The following PCDHGB1 variants were observed in gnomAD, a reference collection of about 807,000 sequenced individuals.
PCDHGB1 encodes protocadherin gamma subfamily B, 1.
In PCDHGB1, 34 loss-of-function variants were observed where a neutral mutation model predicts 56.6. That is an observed-to-expected ratio of 0.60 (90% CI 0.46 to 0.80). The LOEUF (loss-of-function observed/expected upper bound fraction) is 0.80, where lower values mean the gene tolerates loss of function less well. Among genes scored for constraint, PCDHGB1 ranks in the 30% least tolerant of loss-of-function variants. The pLI is 0.00. For synonymous variants in PCDHGB1, 561 were observed against 505.9 expected (o/e 1.11, Z -1.46); for missense variants, 1,278 against 1,204.6 (o/e 1.06, Z -0.90).
intron 1 of PCDHGB1, chr5:141,428,129 C>T (rs1449809875): frequency 1.2e-6 from 2 of 1,603,336 alleles, no homozygotes; most frequent in Non-Finnish European, 1.7e-6. Context: ...CCGGGCTTTT[C>T]AGCCTGGGGC....
At chr5:141,353,069 G>C (rs575305873) in intron 1 of PCDHGB1, among the ~76,000 whole-genome samples, 1 of 152,196 alleles carries the variant, frequency 6.6e-6, no homozygotes, top group East Asian at 1.9e-4. Flanking sequence ...CATTGTTCTA[G>C]TGATGGTATC....
At chr5:141,413,697 T>G in intron 1 of PCDHGB1, 4 of 1,613,632 alleles carry the variant, frequency 2.5e-6, no homozygotes, top group Non-Finnish European at 3.4e-6. Flanking sequence ...TGCAGAGCTA[T>G]CAGCTCAGCC....
At chr5:141,365,873 T>C in intron 1 of PCDHGB1, 2 of 1,614,096 alleles carry the variant, frequency 1.2e-6, no homozygotes, top group Non-Finnish European at 1.7e-6. Flanking sequence ...CGGTGTCCTG[T>C]ATGCTCTGAG....
At chr5:141,383,542 T>G (rs1779235852) in intron 1 of PCDHGB1, 1 of 1,612,562 alleles carries the variant, frequency 6.2e-7, no homozygotes, top group Non-Finnish European at 8.5e-7. Flanking sequence ...CCTCACAGCC[T>G]CTGATGGCGG....
rs2099606506 is a variant in PCDHGB1 at position 141,485,072 on chromosome 5, G to A, written c.2410-9735G>A. ...CCGGCCGAACCGCGCCAGAGCTGGC[G>A]CGGGGAAAGGGAGATAGGTGTCTCC... On this transcript the variant is annotated intron_variant, in intron 1 of 3. Transcript: ENST00000523390. This position sits in a 1 kb window ranked among gnomAD's most constrained non-coding sequence, Gnocchi z 5.7. 2 of 916,892 alleles carry A rather than the reference G, an allele frequency of 2.2e-6. No homozygotes were observed. The highest frequency in any genetic ancestry group is 3.4e-6 in the Non-Finnish European group (2 of 587,886). The allele number at this position is 916,892 out of a possible 1,614,324, so 56.8% of individuals were successfully genotyped here.
intron 1 of PCDHGB1, chr5:141,430,941 A>G: frequency 6.2e-7 from 1 of 1,608,258 alleles, no homozygotes; most frequent in Non-Finnish European, 8.5e-7. Context: ...GAGCTCGCGG[A>G]GCGCGGAGTC....
chr5:141,506,266 T>A (rs1397052417), intron 3 of PCDHGB1, among the ~76,000 whole-genome samples: 1 of 151,862 alleles, frequency 6.6e-6, no homozygotes, highest in Non-Finnish European at 1.5e-5. Context: ...CTGGCCAACA[T>A]AGTGAAACCC....
intron 1 of PCDHGB1, chr5:141,384,825 CG>C (rs1780562640): frequency 1.2e-6 from 2 of 1,613,472 alleles, no homozygotes; most frequent in Non-Finnish European, 1.7e-6. Context: ...AGCAGAGCCT[CG>C]TGGTGGCCGT....
In PCDHGB1 at chr5:141,511,618, T is replaced by C. The variant is rs1227028784; in HGVS notation, c.*445T>C. 4.3e-6 allele frequency: 1 copy of C among 232,232 alleles called. No homozygotes were observed. Among genetic ancestry groups the C allele is most frequent in the East Asian group, 9.9e-5 (1 of 10,122 alleles). 14.4% of individuals were successfully genotyped at this position (232,232 alleles called of 1,614,324 possible). A position where few individuals can be genotyped will look rare whatever the true frequency, so the allele number is the denominator to read the frequency against. ...AAGTAACCTACAAGCCTCCTAGTTCTGAAAAGTTGGAAGGGCATCATGACC... is the reference window on the plus strand; with the variant it reads ...AAGTAACCTACAAGCCTCCTAGTTCCGAAAAGTTGGAAGGGCATCATGACC... On this transcript the variant is annotated 3_prime_UTR_variant, in exon 4 of 4. Transcript: ENST00000523390.
intron 1 of PCDHGB1, chr5:141,430,634 C>G: frequency 1.1e-6 from 1 of 882,730 alleles, no homozygotes; most frequent in Non-Finnish European, 1.7e-6. Flanking sequence ...TGAACCATCC[C>G]TGGGAGTATG....
At chr5:141,371,656 C>G (rs772257649) in intron 1 of PCDHGB1, 2 of 1,614,004 alleles carry the variant, frequency 1.2e-6, no homozygotes, top group Non-Finnish European at 1.7e-6. Flanking sequence ...TACAATGTGA[C>G]GATCACAGCT....
intron 1 of PCDHGB1, chr5:141,399,663 G>C: frequency 6.2e-7 from 1 of 1,613,624 alleles, no homozygotes; most frequent in Non-Finnish European, 8.5e-7. Context: ...TGGTGTTCGC[G>C]CAGCGCGCCT....
intron 1 of PCDHGB1, chr5:141,374,993 T>C: frequency 6.2e-7 from 1 of 1,614,056 alleles, no homozygotes; most frequent in Non-Finnish European, 8.5e-7. Flanking sequence ...AATTTCAACT[T>C]CTGCAAATCT....
At chr5:141,442,472 C>A (rs1032989256) in intron 1 of PCDHGB1, 4 of 152,204 alleles carry the variant, frequency 2.6e-5, no homozygotes, top group African/African-American at 9.7e-5. Flanking sequence ...GCAGAAAGCC[C>A]CTTGGGGAAG....
chr5:141,392,946 G>A, intron 1 of PCDHGB1: 2 of 1,613,940 alleles, frequency 1.2e-6, no homozygotes, highest in Non-Finnish European at 1.7e-6. Context: ...AGGCTCCTTC[G>A]TGGGTAATAT....
At chr5:141,501,926 C>T (rs1388315216) in intron 2 of PCDHGB1, among the ~76,000 whole-genome samples, 1 of 152,126 alleles carries the variant, frequency 6.6e-6, no homozygotes, top group African/African-American at 2.4e-5. Flanking sequence ...AGCTTTGTTC[C>T]CTCAACACCA....
At chr5:141,386,790 C>T (rs546308515) in intron 1 of PCDHGB1, among the ~76,000 whole-genome samples, 2 of 152,232 alleles carry the variant, frequency 1.3e-5, no homozygotes, top group South Asian at 4.2e-4. Flanking sequence ...AATCTCCTGA[C>T]CAAAATTTAT....
Position 141,489,732 on chromosome 5 carries a change from C to T in PCDHGB1, c.2410-5075C>T, listed in dbSNP as rs1562132763. On this transcript the variant is annotated intron_variant, in intron 1 of 3. Coordinates refer to ENST00000523390, the MANE Select transcript of PCDHGB1 (RefSeq NM_018922.3). This position sits in a 1 kb window ranked among gnomAD's most constrained non-coding sequence, Gnocchi z 4.5. ...GTGCCCAGGATCCGGATGTGGGCAC[C>T]AATACTGTGAGCTTTTACACTCTAA... 3.1e-6 allele frequency: 5 copies of T among 1,614,126 alleles called. No individual in the cohort carries two copies. The highest frequency in any genetic ancestry group is 1.1e-5 in the South Asian group (1 of 91,074).
intron 1 of PCDHGB1, among the ~76,000 whole-genome samples, chr5:141,401,533 CA>C: frequency 6.6e-6 from 1 of 151,790 alleles, no homozygotes; most frequent in East Asian, 1.9e-4. Flanking sequence ...AAGAAACTTA[CA>C]AAAAAAAGGA....
Sources: gnomAD v4.1 joint callset for allele counts (sites outside exome capture counted in the v4.1 genomes callset) on GRCh38, gnomAD v4.1.1 for gene constraint, Gnocchi (gnomAD v3.1) non-coding constraint, MANE v1.5 for transcripts, NCBI Gene and HGNC (gene_info 2026-07-23, HGNC 2026-07-21) for gene names.